FBXL2: variants seen among roughly 807,000 people sequenced by gnomAD.
FBXL2 encodes F-box/LRR-repeat protein 2.
In FBXL2, 38 loss-of-function variants were observed where a neutral mutation model predicts 69.2. That is an observed-to-expected ratio of 0.55 (90% CI 0.42 to 0.72). The LOEUF is 0.72. Ranked by LOEUF, FBXL2 falls within the 30% of genes least tolerant of loss-of-function variation. The pLI is 0.00. For missense variants in FBXL2, 354 were observed against 520.3 expected (o/e 0.68, Z 3.11); for synonymous variants, 192 against 201.3 (o/e 0.95, Z 0.39).
intron 12 of FBXL2, chr3:33,400,297 A>G: frequency 6.4e-7 from 1 of 1,570,480 alleles, no homozygotes; most frequent in South Asian, 1.2e-5. Context: ...TAACAATGAA[A>G]ATGAACATAA....
the FBXL2 span, among the ~76,000 whole-genome samples, chr3:33,418,219 T>C: frequency 7.2e-5 from 11 of 152,224 alleles, no homozygotes; most frequent in South Asian, 2.1e-4. Flanking sequence ...AAAAGGTTTA[T>C]GCTGATTATC....
chr3:33,376,975 G>A (rs1361574387), intron 10 of FBXL2, among the ~76,000 whole-genome samples: 1 of 152,142 alleles, frequency 6.6e-6, no homozygotes, highest in Non-Finnish European at 1.5e-5. Context: ...ACTCCAGCCT[G>A]GGTGACAGTA....
intron 2 of FBXL2, among the ~76,000 whole-genome samples, chr3:33,302,058 A>G (rs1189196075): frequency 6.6e-6 from 1 of 152,200 alleles, no homozygotes. Context: ...TTGTATATTA[A>G]TATCAATTTT....
intron 2 of FBXL2, among the ~76,000 whole-genome samples, chr3:33,329,689 A>G (rs1248592161): frequency 1.3e-5 from 2 of 152,210 alleles, no homozygotes; most frequent in Admixed American, 1.3e-4. Context: ...GTTCTCACTC[A>G]TATGTGAGAG....
intron 2 of FBXL2, among the ~76,000 whole-genome samples, chr3:33,318,167 T>C (rs1426079533): frequency 6.6e-6 from 1 of 152,166 alleles, no homozygotes; most frequent in African/African-American, 2.4e-5. Context: ...CACTGGTATC[T>C]ATCTTGAGAC....
chr3:33,328,903 T>C (rs973880177), intron 2 of FBXL2, among the ~76,000 whole-genome samples: 3 of 151,908 alleles, frequency 2.0e-5, no homozygotes, highest in Non-Finnish European at 4.4e-5. Flanking sequence ...CTAAAACTAT[T>C]CTGCACAGCA....
At chr3:33,377,908 C>T (rs1202551905) in intron 11 of FBXL2, among the ~76,000 whole-genome samples, 195 bp from the exon 12 acceptor site, 3 of 152,284 alleles carry the variant, frequency 2.0e-5, no homozygotes, top group African/African-American at 7.2e-5. Context: ...AGCCCTATTC[C>T]CAGTTCCAAA....
chr3:33,304,901 T>C (rs1029103246), intron 2 of FBXL2, among the ~76,000 whole-genome samples: 1 of 152,024 alleles, frequency 6.6e-6, no homozygotes, highest in Admixed American at 6.6e-5. Context: ...TCTAGTAATG[T>C]TGAGCATCTG....
chr3:33,392,050 A>C (rs1291124174), downstream of FBXL2: 1 of 152,934 alleles, frequency 6.5e-6, no homozygotes, highest in African/African-American at 2.4e-5. Context: ...TCCAATGGCC[A>C]GCTCCCGCTT....
downstream of FBXL2, among the ~76,000 whole-genome samples, chr3:33,406,101 C>A (rs2044413300): frequency 1.3e-5 from 2 of 152,150 alleles, no homozygotes; most frequent in Admixed American, 1.3e-4. Context: ...CACAACAATG[C>A]CCATTCTTTT....
chr3:33,409,194 A>C, the FBXL2 span: 1 of 1,585,690 alleles, frequency 6.3e-7, no homozygotes, highest in South Asian at 1.1e-5. Context: ...CTAATATGCA[A>C]CCTTTGCTTC....
chr3:33,360,894 CT>C lies in FBXL2; in HGVS notation c.195+1543del, dbSNP rs1045474026. Among the ~76,000 whole-genome samples the C allele has an allele frequency of 3.4e-5, 4 of 117,940 alleles. No homozygotes were observed. In the South Asian group the frequency reaches 9.0e-4, roughly 27 times the overall value. 77.4% of individuals were successfully genotyped at this position (117,940 alleles called of 152,430 possible). ...TTTGATGACTTTTCCAACCATACAA[CT>C]TTTTTGGAAAGCACATGAAGAACTT... On this transcript the variant is annotated intron_variant, in intron 4 of 14. Coordinates refer to ENST00000484457, the MANE Select transcript of FBXL2 (RefSeq NM_012157.5).
intron 2 of FBXL2, among the ~76,000 whole-genome samples, chr3:33,341,895 A>C (rs1360241698): frequency 6.6e-6 from 1 of 150,448 alleles, no homozygotes; most frequent in Admixed American, 6.6e-5. Flanking sequence ...TTGCTGACAA[A>C]GTTCTATTTC....
At chr3:33,408,556 TA>T, downstream of FBXL2, 1 of 641,128 alleles carries the variant, frequency 1.6e-6, no homozygotes, top group Non-Finnish European at 2.5e-6. Flanking sequence ...GCAGGAAGTC[TA>T]AACAAAAGCA....
At chr3:33,330,612 G>T (rs2039071856) in intron 2 of FBXL2, among the ~76,000 whole-genome samples, 1 of 152,096 alleles carries the variant, frequency 6.6e-6, no homozygotes, top group Admixed American at 6.5e-5. Context: ...CATGTGGCGG[G>T]TGCAGTGGCT....
At position 33,315,238 on chromosome 3, in the gene FBXL2, C is replaced by CT. The variant is rs1002398331; in HGVS notation, c.65+17521dup. Among the ~76,000 whole-genome samples, 22 of 137,520 alleles carry CT rather than the reference C, an allele frequency of 1.6e-4. 1 individual carries two copies. The highest frequency in any genetic ancestry group is 2.2e-4 in the Admixed American group (3 of 13,806). The allele number at this position is 137,520 out of a possible 152,430, so 90.2% of individuals were successfully genotyped here. ...TCCTTTCCTTTCCTTTTTTTTCTTT[C>CT]TTTTTTTTCCTTTCTTTCTTTTCTC... On this transcript the variant is annotated intron_variant, in intron 2 of 14. Transcript: ENST00000484457.
chr3:33,324,170 T>C lies in FBXL2; in HGVS notation c.65+26445T>C, dbSNP rs113455866. ...GATGGATTTTTTTTTTCTTGTAAAT[T>C]TGTTTAAGTTCCTTGTAGATTCTGG... On this transcript the variant is annotated intron_variant, in intron 2 of 14. Coordinates refer to ENST00000484457, the MANE Select transcript of FBXL2 (RefSeq NM_012157.5). 5.1e-3 allele frequency among the ~76,000 whole-genome samples: 775 copies of C among 152,232 alleles called. 5 individuals are homozygous for C. Among genetic ancestry groups the C allele is most frequent in the African/African-American group, 0.017 (725 of 41,544 alleles).
rs769229428 is a variant in FBXL2 at position 33,385,641 on chromosome 3, C to T, written c.*33C>T. 6.5e-7 allele frequency: 1 copy of T among 1,546,942 alleles called. No homozygotes were observed. Among genetic ancestry groups the T allele is most frequent in the South Asian group, 1.1e-5 (1 of 89,672 alleles). On this transcript the variant is annotated 3_prime_UTR_variant, in exon 15 of 15. Transcript: ENST00000484457. Reference sequence around the variant, plus strand: ...TGCCTGGGCCCAAGGGGTGATGAGGCATCCTTTCCTCTAGAAGACCTGAGT... The same window carrying T: ...TGCCTGGGCCCAAGGGGTGATGAGGTATCCTTTCCTCTAGAAGACCTGAGT...
At chr3:33,309,649 T>C (rs537539246) in intron 2 of FBXL2, among the ~76,000 whole-genome samples, 1 of 152,342 alleles carries the variant, frequency 6.6e-6, no homozygotes, top group South Asian at 2.1e-4. Context: ...TGCCCCTTTG[T>C]TAATTATTGT....
Sources: gnomAD v4.1 joint callset for allele counts (sites outside exome capture counted in the v4.1 genomes callset) on GRCh38, gnomAD v4.1.1 for gene constraint, MANE v1.5 for transcripts, NCBI Gene and HGNC (gene_info 2026-07-23, HGNC 2026-07-21) for gene names.